Variants in CES4A observed in about 807,000 individuals in gnomAD.
CES4A encodes the protein carboxylesterase 6.
CES4A carries 48 observed loss-of-function variants against 65.4 expected under a neutral mutation model. That is an observed-to-expected ratio of 0.73 (90% CI 0.58 to 0.93). CES4A has a LOEUF of 0.93. Among genes scored for constraint, CES4A ranks in the 40% least tolerant of loss-of-function variants. CES4A has a pLI of 0.00. For missense variants in CES4A, 685 were observed against 728.5 expected, an observed-to-expected ratio of 0.94 and a Z score of 0.69; for synonymous variants, 247 against 281.8, an observed-to-expected ratio of 0.88 and a Z score of 1.24.
chr16:67,001,053 A>T lies in CES4A; in HGVS notation c.536+63A>T. ...CCAGAGCGGCGGGGACTGGGTGGGA[A>T]GGGAGGGGCGGGGCCTGGGGCGGGG... On this transcript the variant is annotated intron_variant, in intron 4 of 13. Coordinates refer to ENST00000648724, the Ensembl canonical transcript of CES4A. This position sits in a 1 kb window ranked among gnomAD's most constrained non-coding sequence, Gnocchi z 4.1. 3 of 268,876 alleles carry T rather than the reference A, an allele frequency of 1.1e-5. No individual in the cohort carries two copies. The highest frequency in any genetic ancestry group is 2.0e-5 in the Non-Finnish European group (3 of 153,256). The allele number at this position is 268,876 out of a possible 1,614,324, so 16.7% of individuals were successfully genotyped here. A position where few individuals can be genotyped will look rare whatever the true frequency, so the allele number is the denominator to read the frequency against.
At position 67,004,261 on chromosome 16, in the gene CES4A, G is replaced by C. The variant is rs369649120; in HGVS notation, c.1080+37G>C. The C allele has an allele frequency of 1.2e-5, 19 of 1,611,166 alleles. No individual in the cohort carries two copies. The African/African-American group carries it at 2.4e-4, about 20-fold the overall frequency. On this transcript the variant is annotated intron_variant, in intron 9 of 13. Transcript: ENST00000648724. Reference sequence around the variant, plus strand: ...GGAGTTCAATTGGCTCTTGCCTTACGTAAGTGAGTACCATAGTGGAGGCAG... The same window carrying C: ...GGAGTTCAATTGGCTCTTGCCTTACCTAAGTGAGTACCATAGTGGAGGCAG...
In CES4A at chr16:67,003,453, C is replaced by T; in HGVS notation, c.901-62C>T. The T allele has an allele frequency of 6.3e-7, 1 of 1,592,860 alleles. No homozygotes were observed. Among genetic ancestry groups the T allele is most frequent in the Non-Finnish European group, 8.6e-7 (1 of 1,160,780 alleles). On this transcript the variant is annotated intron_variant, in intron 7 of 13. Transcript: ENST00000648724. The surrounding 1 kb of genome is among the most constrained non-coding windows in gnomAD (Gnocchi z 4.2). ...CACCCCCAACTACTTCCCCAGGGAC[C>T]CTGTCTCAAGAGCACACGAGGGAGA... is the stretch of plus-strand genomic sequence containing the variant.
At position 67,003,976 on chromosome 16, in the gene CES4A, C is replaced by T. The variant is rs576305788; in HGVS notation, c.940-108C>T. 3 of 1,190,878 alleles carry T rather than the reference C, an allele frequency of 2.5e-6. No individual in the cohort carries two copies. Among genetic ancestry groups the T allele is most frequent in the South Asian group, 1.4e-5 (1 of 72,472 alleles). The allele number at this position is 1,190,878 out of a possible 1,614,324, so 73.8% of individuals were successfully genotyped here. A position where few individuals can be genotyped will look rare whatever the true frequency, so the allele number is the denominator to read the frequency against. On this transcript the variant is annotated intron_variant, in intron 8 of 13. Transcript: ENST00000648724. The surrounding 1 kb of genome is among the most constrained non-coding windows in gnomAD (Gnocchi z 4.2). ...TCACCATGCCAGCCCCAGCCTTTTC[C>T]CAATCAAAGAACCTAGGCTAGAGCA...
chr16:66,994,806 T>C lies in CES4A; in HGVS notation c.59-822T>C, dbSNP rs1597057758. Among the ~76,000 whole-genome samples, 5 of 143,926 alleles carry C rather than the reference T, an allele frequency of 3.5e-5. No homozygotes were observed. In the South Asian group the frequency reaches 1.1e-3, roughly 31 times the overall value. The allele number at this position is 143,926 out of a possible 152,430, so 94.4% of individuals were successfully genotyped here. On this transcript the variant is annotated intron_variant, in intron 1 of 13. Coordinates refer to ENST00000648724, the Ensembl canonical transcript of CES4A. ...GTGAGCCGAGATCACGCCATTGTAC[T>C]CCAGCCTGGGCAAAAACAGCGAAAC...
intron 1 of CES4A, 73 bp downstream of exon 1, chr16:66,988,903 AACCTCTCCT>A (rs1964158830): frequency 6.7e-7 from 1 of 1,497,550 alleles, no homozygotes. Flanking sequence ...GCCCCAGTTC[AACCTCTCCT>A]GGGGACAGCA....
chr16:66,994,688 A>G, intron 1 of CES4A, among the ~76,000 whole-genome samples: 1 of 151,092 alleles, frequency 6.6e-6, no homozygotes. Context: ...AAAAATACAA[A>G]ATTAGCCAGG....
At chr16:66,994,206 A>G (rs907694904) in intron 1 of CES4A, among the ~76,000 whole-genome samples, 1 of 147,256 alleles carries the variant, frequency 6.8e-6, no homozygotes, top group Non-Finnish European at 1.5e-5. Flanking sequence ...CCCATATAAT[A>G]GACATAAATT....
In CES4A at chr16:67,001,357, G is replaced by A. The variant is rs1044466190; in HGVS notation, c.586G>A (p.Ala196Thr). 8.7e-6 allele frequency: 14 copies of A among 1,613,528 alleles called. No individual in the cohort carries two copies. The highest frequency in any genetic ancestry group is 1.0e-5 in the Non-Finnish European group (12 of 1,179,824). Residue 196 changes from alanine (A) to threonine (T), a missense_variant, in exon 5 of 14, where the codon GCG (alanine) becomes ACG (threonine). By Grantham distance (58) the Ala-to-Thr change is moderately conservative. Transcript: ENST00000648724. This position sits in a 1 kb window ranked among gnomAD's most constrained non-coding sequence, Gnocchi z 4.1. ...GAACTGGGGGCTGCTGGACCAGATG[G>A]CGGCTCTGCGCTGGGTGCAGGAGAA...
chr16:67,004,381 T>C (rs534407978), intron 9 of CES4A, among the ~76,000 whole-genome samples, 157 bp downstream of exon 9: 1 of 152,278 alleles, frequency 6.6e-6, no homozygotes, highest in East Asian at 1.9e-4. Flanking sequence ...GTAGTCCCTG[T>C]ACAGTGAAAA....
intron 8 of CES4A, 64 bp from the exon 9 acceptor site, chr16:67,004,020 A>C: frequency 5.7e-6 from 9 of 1,580,938 alleles, no homozygotes; most frequent in Non-Finnish European, 7.8e-6. Flanking sequence ...AGGGGCACCC[A>C]AGGTTGCAGG....
chr16:66,994,093 T>A (rs1000947993), intron 1 of CES4A, among the ~76,000 whole-genome samples: 1 of 150,610 alleles, frequency 6.6e-6, no homozygotes, highest in Non-Finnish European at 1.5e-5. Flanking sequence ...AGAGCAAGAC[T>A]CCATCTCAAA....
At chr16:66,997,445 G>T (rs182453455) in intron 2 of CES4A, among the ~76,000 whole-genome samples, 11 of 152,276 alleles carry the variant, frequency 7.2e-5, no homozygotes, top group Admixed American at 3.3e-4. Flanking sequence ...ATGTTTCAAA[G>T]ATAGTAGTTT....
intron 1 of CES4A, among the ~76,000 whole-genome samples, chr16:66,990,745 GAATA>G (rs1964323390): frequency 6.6e-6 from 1 of 150,964 alleles, no homozygotes; most frequent in Non-Finnish European, 1.5e-5. Flanking sequence ...AAGAATGAAT[GAATA>G]AACACAATTT....
chr16:66,989,018 C>A (rs1015849662), intron 1 of CES4A, among the ~76,000 whole-genome samples, 188 bp downstream of exon 1: 9 of 152,202 alleles, frequency 5.9e-5, no homozygotes, highest in Non-Finnish European at 1.3e-4. Flanking sequence ...AGTCCTTTAG[C>A]CTCCCTGAAC....
chr16:66,988,827 T>C, exon 1 of CES4A: 1 of 1,565,634 alleles, frequency 6.4e-7, no homozygotes, highest in Admixed American at 1.8e-5. Flanking sequence ...GCAGACGGCC[T>C]TGGGTAAGAC....
exon 10 of CES4A, chr16:67,004,796 A>T (rs1965625414): frequency 5.9e-6 from 9 of 1,536,086 alleles, no homozygotes; most frequent in Non-Finnish European, 7.8e-6. Context: ...TGAACAGATC[A>T]TGAAGTTCCC....
intron 9 of CES4A, among the ~76,000 whole-genome samples, chr16:67,004,559 C>T (rs1965604138): frequency 6.6e-6 from 1 of 152,126 alleles, no homozygotes; most frequent in South Asian, 2.1e-4. Context: ...GGGTAGATGC[C>T]CCAACTCAGG....
At position 67,006,411 on chromosome 16, in the gene CES4A, CT is replaced by C; in HGVS notation, c.1337del (p.Leu446ArgfsTer11). On this transcript the variant is annotated frameshift_variant, in exon 12 of 14. Coordinates refer to ENST00000648724, the Ensembl canonical transcript of CES4A. LOFTEE classifies it high-confidence loss of function. Reference sequence around the variant, plus strand: ...CACAGATGCCGGCCTCCCTGTCTACCTGTATGAATTTGAGCACCACGCTCGT... The same window carrying C: ...CACAGATGCCGGCCTCCCTGTCTACCGTATGAATTTGAGCACCACGCTCGT... The C allele has an allele frequency of 6.5e-7, 1 of 1,536,658 alleles. No homozygotes were observed. The highest frequency in any genetic ancestry group is 8.7e-7 in the Non-Finnish European group (1 of 1,147,016).
At chr16:67,005,170 A>AT in intron 10 of CES4A, 70 bp from the exon 11 acceptor site, 1 of 1,510,830 alleles carries the variant, frequency 6.6e-7, no homozygotes, top group Non-Finnish European at 9.2e-7. Context: ...CATGGATCCA[A>AT]GTCACTGGTG....
Sources: gnomAD v4.1 joint callset for allele counts (sites outside exome capture counted in the v4.1 genomes callset) on GRCh38, gnomAD v4.1.1 for gene constraint, Gnocchi (gnomAD v3.1) non-coding constraint, MANE v1.5 for transcripts, NCBI Gene and HGNC (gene_info 2026-07-23, HGNC 2026-07-21) for gene names.